CAPN15: variants seen among roughly 807,000 people sequenced by gnomAD.
The protein encoded by CAPN15 is calpain 15.
Under a neutral mutation model 97.9 loss-of-function variants are expected in CAPN15, and 53 were observed. That is an observed-to-expected ratio of 0.54 (90% CI 0.43 to 0.68). CAPN15 has a LOEUF of 0.68. Among genes scored for constraint, CAPN15 ranks in the 30% least tolerant of loss-of-function variants. CAPN15 has a pLI of 0.00. For synonymous variants in CAPN15, 922 were observed against 722.5 expected (o/e 1.28, Z -4.43); for missense variants, 1,592 against 1,589.8 (o/e 1.00, Z -0.02).
rs574086600 is a variant in CAPN15, at chr16:540,011, G to A, written c.-23+3869G>A. 8.3e-5 allele frequency: 77 copies of A among 932,990 alleles called. No individual in the cohort carries two copies. In the South Asian group the frequency reaches 1.3e-3, roughly 16 times the overall value. The allele number at this position is 932,990 out of a possible 1,614,324, so 57.8% of individuals were successfully genotyped here. A position where few individuals can be genotyped will look rare whatever the true frequency, so the allele number is the denominator to read the frequency against. Reference sequence around the variant, plus strand: ...GCTGGGCATGCTGGGAAGTCCTCCCGGGCTGTGTGTGTGAATCATGCTGTT... The same window carrying A: ...GCTGGGCATGCTGGGAAGTCCTCCCAGGCTGTGTGTGTGAATCATGCTGTT... On this transcript the variant is annotated intron_variant, in intron 3 of 13. Transcript: ENST00000219611.
rs201381487 is a variant in CAPN15, at chr16:548,120, C to G, written c.1282C>G (p.Arg428Gly). 1 of 1,534,134 alleles carries G rather than the reference C, an allele frequency of 6.5e-7. No homozygotes were observed. The highest frequency in any genetic ancestry group is 1.2e-5 in the South Asian group (1 of 80,844). The change falls in exon 4 of 14, where the codon CGG (arginine) becomes GGG (glycine). Residue 428 changes from arginine to glycine, a missense_variant. Physicochemically the swap from Arg to Gly is moderately radical, Grantham distance 125. Around this residue, in one of 3 missense-constraint regions of CAPN15, gnomAD observed 883 missense variants for 776.6 expected, o/e 1.14. Coordinates refer to ENST00000219611, the MANE Select transcript of CAPN15 (RefSeq NM_005632.3). ...TGCCTGTACCCTGCTCAACGCACTG[C>G]GGGCCAAGCACTGCGCCGCCTGCCA... ...CPACTLLNAL[R>G]AKHCAACHTP...
At chr16:540,181 C>CG (rs34418303) in intron 3 of CAPN15, 2 of 985,510 alleles carry the variant, frequency 2.0e-6, no homozygotes, top group Middle Eastern at 5.2e-4. Context: ...GGCCGCCGGC[C>CG]GGGGGGCCAT....
intron 3 of CAPN15, chr16:537,545 C>A: frequency 1.5e-6 from 1 of 650,188 alleles, no homozygotes; most frequent in Non-Finnish European, 1.9e-6. Context: ...CAGCTCAGGG[C>A]CCAGTGCAAG....
At position 554,327 on chromosome 16, in the gene CAPN15, A is replaced by G. The variant is rs1056289767; in HGVS notation, c.*811A>G. ...CCCACAGAAGCCCAGGAGTGTGTGG[A>G]CGTCTGAGCCCAGCTTTCTGCGTGC... On this transcript the variant is annotated 3_prime_UTR_variant, in exon 14 of 14. Transcript: ENST00000219611. 8.2e-6 allele frequency: 3 copies of G among 364,584 alleles called. No individual in the cohort carries two copies. The Admixed American group carries it at 1.1e-4, about 13-fold the overall frequency. 22.6% of individuals were successfully genotyped at this position (364,584 alleles called of 1,614,324 possible).
At chr16:537,007 C>A in intron 3 of CAPN15, 1 of 419,820 alleles carries the variant, frequency 2.4e-6, no homozygotes, top group Non-Finnish European at 3.2e-6. Flanking sequence ...CCTCTGGCAG[C>A]GGATCGGGGC....
In CAPN15 at chr16:551,969, C is replaced by T. The variant is rs77760241; in HGVS notation, c.2346-82C>T. On this transcript the variant is annotated intron_variant, in intron 9 of 13. Transcript: ENST00000219611. ...AGCAGCTGGCACCTGCTGGGGTCAC[C>T]GGCCTGTGGTTGCGGTAGGCGCTGA... The T allele has an allele frequency of 6.1e-4, 876 of 1,429,520 alleles. 2 individuals carry two copies. In the African/African-American group the frequency reaches 7.4e-3, roughly 12 times the overall value. 88.6% of individuals were successfully genotyped at this position (1,429,520 alleles called of 1,614,324 possible).
At chr16:540,095 G>A (rs907615461) in intron 3 of CAPN15, 44 of 985,424 alleles carry the variant, frequency 4.5e-5, no homozygotes, top group East Asian at 2.3e-4. Context: ...CTGCCCAGCC[G>A]GCCGTCCTGT....
In CAPN15 at chr16:549,700, G is replaced by A; in HGVS notation, c.1928G>A (p.Arg643His). The change falls in exon 7 of 14, where the codon CGC (arginine) becomes CAC (histidine). Residue 643 changes from arginine (R) to histidine (H), a missense_variant. Coordinates refer to ENST00000219611, the MANE Select transcript of CAPN15 (RefSeq NM_005632.3). The part of the protein sequence containing the change: ...HGSYFALQAG[R>H]AIEGLATLTG... Reference sequence around the variant, plus strand: ...TCCTACTTTGCGCTCCAGGCGGGCCGCGCCATCGAAGGCCTGGCCACGCTC... The same window carrying A: ...TCCTACTTTGCGCTCCAGGCGGGCCACGCCATCGAAGGCCTGGCCACGCTC... 2 of 1,564,068 alleles carry A rather than the reference G, an allele frequency of 1.3e-6. No homozygotes were observed. The highest frequency in any genetic ancestry group is 1.7e-6 in the Non-Finnish European group (2 of 1,156,834).
intron 1 of CAPN15, 145 bp from the exon 2 acceptor site, chr16:533,801 C>G (rs762635021): frequency 9.0e-5 from 19 of 211,306 alleles, no homozygotes; most frequent in South Asian, 1.7e-4. Context: ...GAAGCTCGGA[C>G]AGCTTCTAAG....
chr16:546,639 T>C (rs2034602076), intron 3 of CAPN15, among the ~76,000 whole-genome samples, 178 bp from the exon 4 acceptor site: 1 of 152,188 alleles, frequency 6.6e-6, no homozygotes, highest in Non-Finnish European at 1.5e-5. Flanking sequence ...CCCTGAGCCA[T>C]GGATCCATTC....
chr16:532,537 A>C lies in CAPN15; in HGVS notation c.-189-1409A>C, dbSNP rs2033343438. 3.3e-5 allele frequency among the ~76,000 whole-genome samples: 5 copies of C among 150,348 alleles called. No homozygotes were observed. The South Asian group carries it at 1.1e-3, about 32-fold the overall frequency. On this transcript the variant is annotated intron_variant, in intron 1 of 13. Transcript: ENST00000219611. ...ACCACTGCACTCCAGCCTAGGTGACAGAGTGATACCCTGTCTCAAAAAAAA... is the reference window on the plus strand; with the variant it reads ...ACCACTGCACTCCAGCCTAGGTGACCGAGTGATACCCTGTCTCAAAAAAAA...
chr16:548,195 C>T lies in CAPN15; in HGVS notation c.1357C>T (p.Arg453Cys), dbSNP rs752712228. The change falls in exon 4 of 14, where the codon CGC becomes TGC. Residue 453 changes from arginine (R) to cysteine (C), a missense_variant. By Grantham distance (180) the Arg-to-Cys change is radical. Around this residue, in one of 3 missense-constraint regions of CAPN15, gnomAD observed 883 missense variants for 776.6 expected, o/e 1.14. Coordinates refer to ENST00000219611, the MANE Select transcript of CAPN15 (RefSeq NM_005632.3). ...GCGGCGGGGGGCCGCGCCCCTGAGG[C>T]GCAGGGAGAGCATGCACGTGGAGCA... Reference protein sequence around the residue: ...AQRRGAAPLRRRESMHVEQRR... With the variant: ...AQRRGAAPLRCRESMHVEQRR... 9.1e-6 allele frequency: 14 copies of T among 1,541,988 alleles called. No individual in the cohort carries two copies. Among genetic ancestry groups the T allele is most frequent in the South Asian group, 2.4e-5 (2 of 83,040 alleles).
intron 1 of CAPN15, among the ~76,000 whole-genome samples, chr16:530,314 C>T (rs1008265959): frequency 7.9e-5 from 12 of 152,232 alleles, no homozygotes; most frequent in African/African-American, 2.9e-4. Flanking sequence ...GTGTCTAGCG[C>T]TATGCAGCCG....
chr16:532,580 G>A (rs2033349908), intron 1 of CAPN15, among the ~76,000 whole-genome samples: 1 of 150,942 alleles, frequency 6.6e-6, no homozygotes, highest in African/African-American at 2.4e-5. Flanking sequence ...GCCAGCCGCT[G>A]TGGCTCACGC....
intron 9 of CAPN15, 188 bp from the exon 10 acceptor site, chr16:551,863 A>C (rs2035106943): frequency 1.0e-6 from 1 of 976,914 alleles, no homozygotes; most frequent in East Asian, 2.6e-5. Flanking sequence ...CAGCGCCCTG[A>C]AGAGCCGGCC....
chr16:546,943 C>T lies in CAPN15; in HGVS notation c.105C>T (p.Leu35=). The part of the protein sequence containing the change: ...ICEAPRHKPD[L]NHILRLSVEE... ...AGGCTCCCCGGCACAAGCCCGACCT[C>T]AACCACATCCTGCGGCTCAGCGTGG... is the stretch of plus-strand genomic sequence containing the variant. Residue 35 remains leucine (L), a synonymous_variant, in exon 4 of 14, where the codon CTC becomes CTT. Transcript: ENST00000219611. 3 of 1,610,798 alleles carry T rather than the reference C, an allele frequency of 1.9e-6. No homozygotes were observed. Among genetic ancestry groups the T allele is most frequent in the Non-Finnish European group, 1.7e-6 (2 of 1,179,902 alleles).
Position 553,846 on chromosome 16 carries a change from G to A in CAPN15, c.*330G>A, listed in dbSNP as rs998483725. The A allele has an allele frequency of 1.3e-4, 34 of 263,996 alleles. No homozygotes were observed. Among genetic ancestry groups the A allele is most frequent in the African/African-American group, 4.0e-4 (18 of 45,166 alleles). The allele number at this position is 263,996 out of a possible 1,614,324, so 16.4% of individuals were successfully genotyped here. ...TCCCTGTGGGCTCAGGGTCTCCTGC[G>A]GGCTAGGCAGCCAGGAGCTCTGTCC... On this transcript the variant is annotated 3_prime_UTR_variant, in exon 14 of 14. Coordinates refer to ENST00000219611, the MANE Select transcript of CAPN15 (RefSeq NM_005632.3).
chr16:542,987 G>C (rs1045924260), intron 3 of CAPN15, among the ~76,000 whole-genome samples: 3 of 150,142 alleles, frequency 2.0e-5, no homozygotes, highest in Non-Finnish European at 2.9e-5. Context: ...GGAGGCGGAG[G>C]TTGCAGTGAG....
Position 552,015 on chromosome 16 carries a change from G to C in CAPN15, c.2346-36G>C, listed in dbSNP as rs368207412. 6.5e-7 allele frequency: 1 copy of C among 1,542,340 alleles called. No individual in the cohort carries two copies. The highest frequency in any genetic ancestry group is 1.4e-5 in the African/African-American group (1 of 72,818). On this transcript the variant is annotated intron_variant, in intron 9 of 13. Coordinates refer to ENST00000219611, the MANE Select transcript of CAPN15 (RefSeq NM_005632.3). The surrounding 1 kb of genome is among the most constrained non-coding windows in gnomAD (Gnocchi z 6.4). ...GCTGAGCCACGGAGGTGTGGGCCGT[G>C]GTAGGCTCAGGGCCCCGTCCTCCCG... is the stretch of plus-strand genomic sequence containing the variant.
Sources: gnomAD v4.1 joint callset for allele counts (sites outside exome capture counted in the v4.1 genomes callset) on GRCh38, gnomAD v4.1.1 for gene constraint, gnomAD v4.1.1 regional missense constraint, Gnocchi (gnomAD v3.1) non-coding constraint, MANE v1.5 for transcripts, NCBI Gene and HGNC (gene_info 2026-07-23, HGNC 2026-07-21) for gene names.